NXPH1: variants seen among roughly 807,000 people sequenced by gnomAD.
NXPH1 encodes neurexophilin 1, also known as neurexophilin-1.
Under a neutral mutation model 23.7 loss-of-function variants are expected in NXPH1, and 5 were observed. That is an observed-to-expected ratio of 0.21 (90% confidence interval 0.11 to 0.44). NXPH1 has a LOEUF of 0.44. Among genes scored for constraint, NXPH1 ranks in the 20% least tolerant of loss-of-function variants. NXPH1 has a pLI of 0.99. For missense variants in NXPH1, 324 were observed against 321.6 expected, an observed-to-expected ratio of 1.01 and a Z score of -0.06; for synonymous variants, 144 against 122.2, an observed-to-expected ratio of 1.18 and a Z score of -1.18.
At chr7:8,436,755 G>A (rs756959865) in intron 2 of NXPH1, among the ~76,000 whole-genome samples, 1 of 152,166 alleles carries the variant, frequency 6.6e-6, no homozygotes, top group Non-Finnish European at 1.5e-5. Context: ...CTGTCTAGGG[G>A]TGAGGTGCGC....
chr7:8,685,389 A>G (rs970916509), intron 2 of NXPH1, among the ~76,000 whole-genome samples: 9 of 151,990 alleles, frequency 5.9e-5, no homozygotes, highest in African/African-American at 1.4e-4. Flanking sequence ...ATTTCACTTA[A>G]CATAATGATC....
intron 2 of NXPH1, among the ~76,000 whole-genome samples, chr7:8,515,664 G>C (rs1817676225): frequency 6.6e-6 from 1 of 152,014 alleles, no homozygotes; most frequent in Non-Finnish European, 1.5e-5. Flanking sequence ...TGTTCTAAAG[G>C]GCTGTAAATA....
intron 2 of NXPH1, among the ~76,000 whole-genome samples, chr7:8,665,026 A>G (rs1820737939): frequency 6.6e-6 from 1 of 151,712 alleles, no homozygotes; most frequent in South Asian, 2.1e-4. Context: ...TTTATATGTT[A>G]TGTAATCCAA....
In NXPH1 at chr7:8,618,986, T is replaced by A. The variant is rs1448717559; in HGVS notation, c.55-132022T>A. 3.3e-5 allele frequency among the ~76,000 whole-genome samples: 5 copies of A among 152,256 alleles called. No homozygotes were observed. The South Asian group carries it at 1.0e-3, about 32-fold the overall frequency. Reference sequence around the variant, plus strand: ...AATTATAAAATTGAAATCTTTTCAGTTTGTGTGTTACTATTTTTAAGCAGG... The same window carrying A: ...AATTATAAAATTGAAATCTTTTCAGATTGTGTGTTACTATTTTTAAGCAGG... On this transcript the variant is annotated intron_variant, in intron 2 of 2. Transcript: ENST00000405863.
At chr7:8,456,975 C>G (rs1416170748) in intron 2 of NXPH1, among the ~76,000 whole-genome samples, 2 of 152,184 alleles carry the variant, frequency 1.3e-5, no homozygotes, top group Non-Finnish European at 2.9e-5. Context: ...AATGGTGGCA[C>G]AATATCTTCT....
chr7:8,559,699 C>T (rs1184882569), intron 2 of NXPH1, among the ~76,000 whole-genome samples: 7 of 151,562 alleles, frequency 4.6e-5, no homozygotes, highest in Non-Finnish European at 1.0e-4. Context: ...CAAGTGTAGA[C>T]CTTATAGGTT....
intron 2 of NXPH1, among the ~76,000 whole-genome samples, chr7:8,437,017 C>T (rs957583601): frequency 6.6e-6 from 1 of 152,182 alleles, no homozygotes; most frequent in African/African-American, 2.4e-5. Flanking sequence ...AGCTTCAATC[C>T]AAGAACCCTC....
At chr7:8,623,556 AC>A (rs1335187853) in intron 2 of NXPH1, among the ~76,000 whole-genome samples, 6 of 151,326 alleles carry the variant, frequency 4.0e-5, no homozygotes, top group African/African-American at 1.2e-4. Flanking sequence ...TAGTTAACAA[AC>A]AAAAAACCAA....
At chr7:8,499,559 G>A (rs1817396812) in intron 2 of NXPH1, among the ~76,000 whole-genome samples, 1 of 152,052 alleles carries the variant, frequency 6.6e-6, no homozygotes, top group South Asian at 2.1e-4. Flanking sequence ...AACAGACAGT[G>A]CAAAAATAAG....
chr7:8,608,690 C>T (rs930467516), intron 2 of NXPH1, among the ~76,000 whole-genome samples: 5 of 151,948 alleles, frequency 3.3e-5, no homozygotes, highest in Non-Finnish European at 7.4e-5. Flanking sequence ...CGTCATATGA[C>T]ACTAATAACA....
intron 2 of NXPH1, among the ~76,000 whole-genome samples, chr7:8,469,197 G>T (rs1209339281): frequency 6.6e-6 from 1 of 151,886 alleles, no homozygotes; most frequent in East Asian, 1.9e-4. Context: ...CCATTATAGT[G>T]ATTTTTTTGG....
At chr7:8,512,675 C>T (rs563441251) in intron 2 of NXPH1, among the ~76,000 whole-genome samples, 1 of 152,090 alleles carries the variant, frequency 6.6e-6, no homozygotes. Flanking sequence ...AAATTAACAA[C>T]TAGAAAGTTA....
intron 2 of NXPH1, among the ~76,000 whole-genome samples, chr7:8,743,645 A>T (rs1255611714): frequency 6.6e-6 from 1 of 152,028 alleles, no homozygotes; most frequent in Non-Finnish European, 1.5e-5. Context: ...AGACATGTAT[A>T]GGAGGAGCTA....
chr7:8,498,607 G>C (rs369018623), intron 2 of NXPH1, among the ~76,000 whole-genome samples: 1 of 151,606 alleles, frequency 6.6e-6, no homozygotes, highest in Non-Finnish European at 1.5e-5. Flanking sequence ...TCATTTTTTT[G>C]TTCTTATTGG....
intron 2 of NXPH1, among the ~76,000 whole-genome samples, chr7:8,595,631 C>G (rs951102955): frequency 2.0e-5 from 3 of 152,006 alleles, no homozygotes; most frequent in Non-Finnish European, 4.4e-5. Flanking sequence ...GCTGCAACTT[C>G]TGACAATTTG....
chr7:8,439,526 C>G (rs1315614824), intron 2 of NXPH1, among the ~76,000 whole-genome samples: 3 of 152,222 alleles, frequency 2.0e-5, no homozygotes, highest in Non-Finnish European at 4.4e-5. Flanking sequence ...CCATCCACAG[C>G]TCTATTCTAA....
intron 2 of NXPH1, among the ~76,000 whole-genome samples, chr7:8,719,750 C>A (rs541161646): frequency 3.9e-5 from 6 of 152,012 alleles, no homozygotes; most frequent in Non-Finnish European, 8.8e-5. Context: ...TGTTTTCCGA[C>A]GTGAATTTAA....
intron 2 of NXPH1, among the ~76,000 whole-genome samples, chr7:8,678,843 C>T (rs1227509753): frequency 1.3e-5 from 2 of 150,502 alleles, no homozygotes; most frequent in African/African-American, 2.5e-5. Flanking sequence ...TGCTTTGGAC[C>T]TTATTATAAA....
chr7:8,435,839 G>A lies in NXPH1; in HGVS notation c.54+72G>A. 1.4e-6 allele frequency: 2 copies of A among 1,413,348 alleles called. No homozygotes were observed. Among genetic ancestry groups the A allele is most frequent in the Non-Finnish European group, 2.0e-6 (2 of 997,764 alleles). 87.6% of individuals were successfully genotyped at this position (1,413,348 alleles called of 1,614,324 possible). On this transcript the variant is annotated intron_variant, in intron 2 of 2. Transcript: ENST00000405863. This position sits in a 1 kb window ranked among gnomAD's most constrained non-coding sequence, Gnocchi z 5.9. The stretch of plus-strand genomic sequence containing the variant: ...GAGGCAAGGAAACTGGGGACACGCG[G>A]GAGAAGGGTTACGCCGCCAGTTCAG...
Sources: allele counts gnomAD v4.1 joint callset (sites outside exome capture counted in the v4.1 genomes callset), GRCh38; gene constraint gnomAD v4.1.1; non-coding constraint Gnocchi (gnomAD v3.1); transcripts MANE v1.5; gene names NCBI Gene and HGNC (gene_info 2026-07-23, HGNC 2026-07-21).